UGT8: variants seen among roughly 807,000 people sequenced by gnomAD.
The protein encoded by UGT8 is UDP glycosyltransferase 8, also known as 2-hydroxyacylsphingosine 1-beta-galactosyltransferase.
Under a neutral mutation model 40.5 loss-of-function variants are expected in UGT8, and 12 were observed. The ratio of observed to expected loss-of-function variants is 0.30; its 90% CI spans 0.19 to 0.48. The LOEUF (loss-of-function observed/expected upper bound fraction) is 0.48, where lower values mean the gene tolerates loss of function less well. Among genes scored for constraint, UGT8 ranks in the 20% least tolerant of loss-of-function variants. UGT8 has a pLI of 0.99. For missense variants in UGT8, 513 were observed against 648.7 expected (o/e 0.79, Z 2.27); for synonymous variants, 224 against 240.4 (o/e 0.93, Z 0.63).
chr4:114,636,002 T>A lies in UGT8; in HGVS notation c.822+12300T>A, dbSNP rs78919314. ...CAGAACATATGGGATTCTGATAATGTTTTGATATGGATGGTATAGTTTATC... is the reference window on the plus strand; with the variant it reads ...CAGAACATATGGGATTCTGATAATGATTTGATATGGATGGTATAGTTTATC... On this transcript the variant is annotated intron_variant, in intron 2 of 5. Coordinates refer to ENST00000310836, the MANE Select transcript of UGT8 (RefSeq NM_001128174.3). Among the ~76,000 whole-genome samples the A allele has an allele frequency of 9.0e-3, 1,369 of 152,268 alleles. 54 individuals are homozygous for A. The highest frequency in any genetic ancestry group is 0.068 in the East Asian group (350 of 5,182).
At chr4:114,632,517 AC>A (rs1732638540) in intron 2 of UGT8, among the ~76,000 whole-genome samples, 1 of 152,200 alleles carries the variant, frequency 6.6e-6, no homozygotes, top group African/African-American at 2.4e-5. Flanking sequence ...AATAAACTTT[AC>A]AAAGTAAGCT....
intron 3 of UGT8, among the ~76,000 whole-genome samples, chr4:114,664,508 A>T (rs1177548780): frequency 6.6e-6 from 1 of 152,208 alleles, no homozygotes; most frequent in Non-Finnish European, 1.5e-5. Context: ...TCAGTTTTGA[A>T]ATGAGGAAGA....
chr4:114,646,482 A>G (rs1733579659), intron 2 of UGT8, among the ~76,000 whole-genome samples: 1 of 152,120 alleles, frequency 6.6e-6, no homozygotes, highest in African/African-American at 2.4e-5. Context: ...AATCATCAAG[A>G]GTATCATGGG....
chr4:114,625,021 G>T (rs1478890464), intron 2 of UGT8, among the ~76,000 whole-genome samples: 7 of 152,156 alleles, frequency 4.6e-5, no homozygotes, highest in Admixed American at 2.6e-4. Context: ...TCAGATTTTA[G>T]AAGTAGCTTC....
At chr4:114,671,453 G>A (rs1735271034) in intron 5 of UGT8, among the ~76,000 whole-genome samples, 1 of 152,140 alleles carries the variant, frequency 6.6e-6, no homozygotes, top group South Asian at 2.1e-4. Context: ...AACTAAAATA[G>A]CATGGTACTG....
intron 1 of UGT8, among the ~76,000 whole-genome samples, chr4:114,611,051 A>C (rs549762913): frequency 1.3e-5 from 2 of 152,086 alleles, no homozygotes; most frequent in South Asian, 4.1e-4. Context: ...TTTGATCTGG[A>C]TATTCTCCAG....
At chr4:114,647,041 A>T (rs935699226) in intron 2 of UGT8, among the ~76,000 whole-genome samples, 1 of 152,212 alleles carries the variant, frequency 6.6e-6, no homozygotes, top group Non-Finnish European at 1.5e-5. Flanking sequence ...CTGTTTGTAG[A>T]AGTATACACA....
chr4:114,638,755 G>C (rs1246929933), intron 2 of UGT8, among the ~76,000 whole-genome samples: 1 of 152,132 alleles, frequency 6.6e-6, no homozygotes, highest in Non-Finnish European at 1.5e-5. Context: ...ACTTGTTTGG[G>C]TTATGAATTC....
chr4:114,665,832 A>G, intron 4 of UGT8, 76 bp downstream of exon 4: 1 of 907,958 alleles, frequency 1.1e-6, no homozygotes, highest in South Asian at 1.7e-5. Context: ...TTTTTTTTTT[A>G]CTTCAGAGGT....
intron 1 of UGT8, among the ~76,000 whole-genome samples, chr4:114,615,834 G>A (rs886524369): frequency 1.3e-5 from 2 of 152,110 alleles, no homozygotes; most frequent in African/African-American, 4.8e-5. Context: ...ATTGTCTTTC[G>A]TCTTTTTGGC....
Position 114,665,771 on chromosome 4 carries a change from T to TGTG in UGT8, c.1042+18_1042+20dup, listed in dbSNP as rs2126133758. The TGTG allele has an allele frequency of 1.3e-6, 2 of 1,588,756 alleles. No homozygotes were observed. Among genetic ancestry groups the TGTG allele is most frequent in the Non-Finnish European group, 1.7e-6 (2 of 1,170,160 alleles). Reference sequence around the variant, plus strand: ...TGACCTGCTTGGTAAGTCAATGATGTGTGGTTACTTACTTGGCTGTTAGGT... The same window carrying TGTG: ...TGACCTGCTTGGTAAGTCAATGATGTGTGGTGGTTACTTACTTGGCTGTTAGGT... On this transcript the variant is annotated intron_variant, in intron 4 of 5. Transcript: ENST00000310836.
rs922191990 is a variant in UGT8 at position 114,677,090 on chromosome 4, G to C, written c.*802G>C. ...AGTTTTTTCTATTTCATTTTAATGA[G>C]TAACAATATGTTAAATGCATAATTA... On this transcript the variant is annotated 3_prime_UTR_variant, in exon 6 of 6. Transcript: ENST00000310836. 1.3e-5 allele frequency: 2 copies of C among 152,056 alleles called. No homozygotes were observed. Among genetic ancestry groups the C allele is most frequent in the Non-Finnish European group, 2.9e-5 (2 of 67,996 alleles). 9.4% of individuals were successfully genotyped at this position (152,056 alleles called of 1,614,324 possible).
At chr4:114,650,257 A>C (rs949127242) in intron 2 of UGT8, among the ~76,000 whole-genome samples, 2 of 152,174 alleles carry the variant, frequency 1.3e-5, no homozygotes, top group African/African-American at 4.8e-5. Context: ...TCTGCATGTT[A>C]TCTTCCTGGA....
intron 2 of UGT8, among the ~76,000 whole-genome samples, chr4:114,650,805 C>T (rs1392120107): frequency 2.0e-5 from 3 of 152,004 alleles, no homozygotes; most frequent in Non-Finnish European, 2.9e-5. Flanking sequence ...AAAACTTTTG[C>T]GCCTACTCTT....
At chr4:114,645,257 T>C (rs753308253) in intron 2 of UGT8, among the ~76,000 whole-genome samples, 2 of 152,190 alleles carry the variant, frequency 1.3e-5, no homozygotes, top group African/African-American at 2.4e-5. Flanking sequence ...CCAGTGGTGA[T>C]TGGTTGGTGA....
At chr4:114,629,132 C>A (rs1312158124) in intron 2 of UGT8, among the ~76,000 whole-genome samples, 1 of 152,004 alleles carries the variant, frequency 6.6e-6, no homozygotes, top group Non-Finnish European at 1.5e-5. Context: ...AAATTAAGGC[C>A]ATTTTTATTA....
intron 2 of UGT8, among the ~76,000 whole-genome samples, chr4:114,650,367 G>A (rs1232402080): frequency 6.6e-6 from 1 of 152,084 alleles, no homozygotes; most frequent in Non-Finnish European, 1.5e-5. Flanking sequence ...TTGCATGATT[G>A]GAAAATCAGA....
At chr4:114,610,550 A>T (rs959808211) in intron 1 of UGT8, among the ~76,000 whole-genome samples, 1 of 152,192 alleles carries the variant, frequency 6.6e-6, no homozygotes, top group Non-Finnish European at 1.5e-5. Context: ...GGAACATCAA[A>T]GAAATTCATT....
intron 1 of UGT8, 111 bp downstream of exon 1, chr4:114,599,085 C>G (rs1449552952): frequency 3.3e-4 from 3 of 8,972 alleles, no homozygotes; most frequent in Non-Finnish European, 6.0e-4. Flanking sequence ...GGCTGCTGTC[C>G]AGGGGCGGGG....
Sources: gnomAD v4.1 joint callset for allele counts (sites outside exome capture counted in the v4.1 genomes callset) on GRCh38, gnomAD v4.1.1 for gene constraint, MANE v1.5 for transcripts, NCBI Gene and HGNC (gene_info 2026-07-23, HGNC 2026-07-21) for gene names.